SLC44A1: variants seen among roughly 807,000 people sequenced by gnomAD.
The protein encoded by SLC44A1 is choline transporter-like protein 1.
A neutral mutation model predicts 79.3 loss-of-function variants in SLC44A1; 26 were observed. The observed-to-expected ratio is 0.33, with a 90% confidence interval of 0.24 to 0.46. The LOEUF (loss-of-function observed/expected upper bound fraction) is 0.46, where lower values mean the gene tolerates loss of function less well. Among genes scored for constraint, SLC44A1 ranks in the 20% least tolerant of loss-of-function variants. The pLI is 1.00. For synonymous variants in SLC44A1, 263 were observed against 286.2 expected, an observed-to-expected ratio of 0.92 and a Z score of 0.82; for missense variants, 688 against 798.1, an observed-to-expected ratio of 0.86 and a Z score of 1.66.
chr9:105,384,186 T>A (rs1353162716), intron 14 of SLC44A1, among the ~76,000 whole-genome samples: 1 of 143,272 alleles, frequency 7.0e-6, no homozygotes, highest in African/African-American at 2.5e-5. Flanking sequence ...TAAGCTAGAT[T>A]TTTTTTTTTT....
intron 15 of SLC44A1, 28 bp from the exon 16 acceptor site, chr9:105,389,005 T>C: frequency 6.3e-7 from 1 of 1,581,666 alleles, no homozygotes. Context: ...TTGTCTAAGA[T>C]TATACTCTGT....
At chr9:105,327,854 C>G (rs1034417131) in intron 3 of SLC44A1, among the ~76,000 whole-genome samples, 2 of 152,160 alleles carry the variant, frequency 1.3e-5, no homozygotes, top group African/African-American at 2.4e-5. Flanking sequence ...CCTGCTCTAG[C>G]ACTAGCACAC....
At chr9:105,419,914 CAAAAAAAAAAA>C (rs59244219) in intron 15 of SLC44A1, among the ~76,000 whole-genome samples, 2 of 53,430 alleles carry the variant, frequency 3.7e-5, no homozygotes, top group Non-Finnish European at 8.0e-5. Context: ...AACTCTGTCT[CAAAAAAAAAAA>C]AAAAAAAAAA....
At chr9:105,268,328 T>G (rs951712489) in intron 1 of SLC44A1, among the ~76,000 whole-genome samples, 2 of 152,034 alleles carry the variant, frequency 1.3e-5, no homozygotes, top group Non-Finnish European at 2.9e-5. Flanking sequence ...CTTTTTCGAG[T>G]GTACTAGGTC....
chr9:105,435,974 G>C (rs1198280953), intron 15 of SLC44A1, among the ~76,000 whole-genome samples: 3 of 152,230 alleles, frequency 2.0e-5, no homozygotes, highest in African/African-American at 7.2e-5. Context: ...AAGGCCTGCG[G>C]ACCACCTGAG....
At chr9:105,295,228 A>G (rs1219455747) in intron 1 of SLC44A1, among the ~76,000 whole-genome samples, 1 of 152,200 alleles carries the variant, frequency 6.6e-6, no homozygotes, top group Non-Finnish European at 1.5e-5. Flanking sequence ...AGATAATATA[A>G]ATGTATGCCC....
chr9:105,245,037 C>A (rs1270782034), intron 1 of SLC44A1, 133 bp downstream of exon 1: 2 of 293,352 alleles, frequency 6.8e-6, no homozygotes, highest in East Asian at 1.5e-4. Flanking sequence ...CCAAAGACCC[C>A]CACTCCGCCT....
intron 1 of SLC44A1, among the ~76,000 whole-genome samples, chr9:105,297,506 C>T (rs1830756299): frequency 6.6e-6 from 1 of 152,160 alleles, no homozygotes; most frequent in Non-Finnish European, 1.5e-5. Context: ...GCCTCAGCCT[C>T]CCAAGTAGCT....
At chr9:105,423,049 A>G (rs930858982) in intron 15 of SLC44A1, among the ~76,000 whole-genome samples, 3 of 152,216 alleles carry the variant, frequency 2.0e-5, no homozygotes, top group Non-Finnish European at 4.4e-5. Context: ...GGAAGGAAAG[A>G]GGGAGGGAGA....
intron 2 of SLC44A1, among the ~76,000 whole-genome samples, chr9:105,304,953 T>G (rs1239273252): frequency 1.9e-4 from 14 of 73,140 alleles, no homozygotes; most frequent in African/African-American, 7.6e-4. Context: ...CGTTTTTTTT[T>G]TTTTTTTTTT....
intron 2 of SLC44A1, among the ~76,000 whole-genome samples, chr9:105,306,526 A>G (rs1484953655): frequency 6.6e-6 from 1 of 151,334 alleles, no homozygotes; most frequent in Non-Finnish European, 1.5e-5. Context: ...GTTTTTTCCC[A>G]TCTTATTAGC....
intron 13 of SLC44A1, among the ~76,000 whole-genome samples, chr9:105,376,409 T>C (rs983437479): frequency 6.6e-6 from 1 of 151,602 alleles, no homozygotes; most frequent in Non-Finnish European, 1.5e-5. Flanking sequence ...GTTTCACTCT[T>C]ATTGCCCAGG....
intron 15 of SLC44A1, among the ~76,000 whole-genome samples, chr9:105,426,946 T>G (rs1043063150): frequency 2.6e-5 from 4 of 151,996 alleles, no homozygotes; most frequent in Admixed American, 1.3e-4. Context: ...CTTTTTTTTT[T>G]TTTCCTCGAG....
At chr9:105,310,333 A>G (rs1564429273) in intron 3 of SLC44A1, among the ~76,000 whole-genome samples, 1 of 152,152 alleles carries the variant, frequency 6.6e-6, no homozygotes, top group African/African-American at 2.4e-5. Context: ...TAAAAGATAC[A>G]TTTTGTCAGA....
downstream of SLC44A1, among the ~76,000 whole-genome samples, chr9:105,400,893 G>T (rs1409592020): frequency 6.6e-6 from 1 of 152,154 alleles, no homozygotes; most frequent in Non-Finnish European, 1.5e-5. Context: ...CATATTCATT[G>T]TTTTTATCAA....
intron 12 of SLC44A1, among the ~76,000 whole-genome samples, chr9:105,372,575 C>G (rs914869647): frequency 1.3e-5 from 2 of 151,748 alleles, no homozygotes; most frequent in Non-Finnish European, 2.9e-5. Context: ...CAAGCGTGAG[C>G]CACCACACCC....
At chr9:105,403,799 AATG>A (rs1828989393) in intron 15 of SLC44A1, among the ~76,000 whole-genome samples, 1 of 151,134 alleles carries the variant, frequency 6.6e-6, no homozygotes, top group Non-Finnish European at 1.5e-5. Context: ...TGTGTGAAGA[AATG>A]ATGATGTGTC....
chr9:105,312,567 G>A (rs1459143854), intron 3 of SLC44A1, among the ~76,000 whole-genome samples: 1 of 152,162 alleles, frequency 6.6e-6, no homozygotes, highest in East Asian at 1.9e-4. Flanking sequence ...TAGTGAGTCT[G>A]AGGATTTGTA....
intron 13 of SLC44A1, among the ~76,000 whole-genome samples, chr9:105,381,639 G>C (rs1300314950): frequency 6.6e-6 from 1 of 151,650 alleles, no homozygotes; most frequent in Non-Finnish European, 1.5e-5. Flanking sequence ...AAAAATGGAA[G>C]TAATTAACCA....
Sources: allele counts gnomAD v4.1 joint callset (sites outside exome capture counted in the v4.1 genomes callset), GRCh38; gene constraint gnomAD v4.1.1; transcripts MANE v1.5; gene names NCBI Gene and HGNC (gene_info 2026-07-23, HGNC 2026-07-21).